The following KDM5A variants were observed in gnomAD, a reference collection of about 807,000 sequenced individuals.
The protein encoded by KDM5A is lysine-specific demethylase 5A.
A neutral mutation model predicts 193.5 loss-of-function variants in KDM5A; 42 were observed. The observed-to-expected ratio is 0.22, with a 90% CI of 0.17 to 0.28. The LOEUF is 0.28. KDM5A is among the 10% of genes least tolerant of loss of function. The probability of loss-of-function intolerance (pLI) is 1.00; values close to 1 mark genes in which losing one functional copy is unlikely to be tolerated. For synonymous variants in KDM5A, 796 were observed against 718.1 expected (o/e 1.11, Z -1.73); for missense variants, 1,692 against 2,055.1 (o/e 0.82, Z 3.42).
Position 389,061 on chromosome 12 carries a change from C to G in KDM5A, c.31G>C (p.Ala11Pro), listed in dbSNP as rs1223268592. MAGVGPGGYA[A>P]EFVPPPECPV... ...CACTCTGGCGGTGGCACGAACTCCG[C>G]CGCGTAGCCCCCCGGCCCCACGCCC... The change falls in exon 1 of 28, where the codon GCG (alanine) becomes CCG (proline). Residue 11 changes from alanine (A) to proline (P), a missense_variant. This residue lies in a region of KDM5A where 84 missense variants were observed against 68.2 expected (regional missense o/e 1.23). Transcript: ENST00000399788. 6.2e-7 allele frequency: 1 copy of G among 1,610,190 alleles called. No homozygotes were observed. The highest frequency in any genetic ancestry group is 1.7e-5 in the Admixed American group (1 of 59,750).
At chr12:299,280 G>T (rs1943411462) in intron 24 of KDM5A, among the ~76,000 whole-genome samples, 1 of 152,176 alleles carries the variant, frequency 6.6e-6, no homozygotes, top group South Asian at 2.1e-4. Flanking sequence ...AGGAAAAAGT[G>T]TTAAGGGCAG....
chr12:385,793 A>C, intron 2 of KDM5A, 104 bp downstream of exon 2: 1 of 858,060 alleles, frequency 1.2e-6, no homozygotes, highest in South Asian at 1.3e-5. Context: ...AATACCAATT[A>C]ACACAAACTC....
chr12:357,719 T>C (rs1944244264), intron 5 of KDM5A, among the ~76,000 whole-genome samples: 1 of 147,380 alleles, frequency 6.8e-6, no homozygotes, highest in Non-Finnish European at 1.5e-5. Context: ...TCCCAGCTAC[T>C]TGGGAGGCTG....
chr12:367,262 A>G (rs1944369183), intron 3 of KDM5A, among the ~76,000 whole-genome samples: 2 of 152,210 alleles, frequency 1.3e-5, no homozygotes, highest in Non-Finnish European at 1.5e-5. Context: ...CATAAAAAAA[A>G]AGTTAAAGCC....
chr12:352,153 T>G, intron 9 of KDM5A, 52 bp downstream of exon 9: 1 of 799,876 alleles, frequency 1.3e-6, no homozygotes, highest in Non-Finnish European at 2.1e-6. Context: ...GGCTTTGTAC[T>G]CAGGTAAATC....
At chr12:330,958 A>C (rs1225820176) in intron 13 of KDM5A, among the ~76,000 whole-genome samples, 2 of 152,138 alleles carry the variant, frequency 1.3e-5, no homozygotes, top group African/African-American at 4.8e-5. Flanking sequence ...AAGCAACATA[A>C]CAGCCACTAA....
In KDM5A at chr12:293,022, T is replaced by C. The variant is rs770838673; in HGVS notation, c.4603A>G (p.Lys1535Glu). Reference sequence around the variant, plus strand: ...TCTGCACCTAATTTTAATTTCTTCTTTCTAGGTTTGTCCATTTTCTTTAAC... The same window carrying C: ...TCTGCACCTAATTTTAATTTCTTCTCTCTAGGTTTGTCCATTTTCTTTAAC... Reference protein sequence around the residue: ...KELKKMDKPRKKKLKLGADKS... With the variant: ...KELKKMDKPREKKLKLGADKS... The change falls in exon 27 of 28, where the codon AAG (lysine) becomes GAG (glutamate). Residue 1535 changes from lysine to glutamate, a missense_variant. Transcript: ENST00000399788. 6.3e-7 allele frequency: 1 copy of C among 1,589,752 alleles called. No individual in the cohort carries two copies. The highest frequency in any genetic ancestry group is 8.5e-7 in the Non-Finnish European group (1 of 1,173,888).
rs1943385167 is a variant in KDM5A, at chr12:297,209, G to T, written c.4075-9C>A. 3 of 1,613,374 alleles carry T rather than the reference G, an allele frequency of 1.9e-6. No homozygotes were observed. The Admixed American group carries it at 5.0e-5, about 27-fold the overall frequency. ...TTCACACTGGCTGTGTCCTGAAGAAGAAACAAAGAGAAGTATTCAGAATTA... is the reference window on the plus strand; with the variant it reads ...TTCACACTGGCTGTGTCCTGAAGAATAAACAAAGAGAAGTATTCAGAATTA... On this transcript the variant is annotated splice_polypyrimidine_tract_variant and intron_variant, in intron 24 of 27. Coordinates refer to ENST00000399788, the MANE Select transcript of KDM5A (RefSeq NM_001042603.3).
intron 10 of KDM5A, among the ~76,000 whole-genome samples, chr12:335,401 C>G (rs1943916156): frequency 6.6e-6 from 1 of 152,200 alleles, no homozygotes; most frequent in Non-Finnish European, 1.5e-5. Flanking sequence ...CATTATTTGT[C>G]TTTTTCACTT....
rs1448096073 is a variant in KDM5A, at chr12:334,435, A to G, written c.1309-13T>C. The G allele has an allele frequency of 6.2e-7, 1 of 1,605,582 alleles. No homozygotes were observed. Among genetic ancestry groups the G allele is most frequent in the East Asian group, 2.2e-5 (1 of 44,824 alleles). ...AAAGTGCATATTCCTATAAGAGAAG[A>G]AAAAACTGTAAATGAAAGATCAGAA... On this transcript the variant is annotated splice_polypyrimidine_tract_variant and intron_variant, in intron 10 of 27. Coordinates refer to ENST00000399788, the MANE Select transcript of KDM5A (RefSeq NM_001042603.3).
chr12:352,478 G>A (rs191003534), intron 8 of KDM5A, among the ~76,000 whole-genome samples, 154 bp from the exon 9 acceptor site: 172 of 152,230 alleles, frequency 1.1e-3, no homozygotes, highest in African/African-American at 3.2e-3. Flanking sequence ...TTACAATACC[G>A]TATCAGGAAG....
chr12:315,154 T>A (rs760485015), intron 19 of KDM5A, among the ~76,000 whole-genome samples: 3 of 151,942 alleles, frequency 2.0e-5, no homozygotes, highest in Non-Finnish European at 2.9e-5. Flanking sequence ...GAAGGAATAA[T>A]CCTACAAGCA....
intron 3 of KDM5A, among the ~76,000 whole-genome samples, chr12:378,570 C>T (rs1305752923): frequency 1.3e-5 from 2 of 152,052 alleles, no homozygotes; most frequent in East Asian, 1.9e-4. Flanking sequence ...CCAGCCAAAG[C>T]CTTGTGTTTT....
rs965120780 is a variant in KDM5A at position 282,709 on chromosome 12, C to A, written c.*2747G>T. 5.6e-5 allele frequency: 13 copies of A among 232,694 alleles called. No homozygotes were observed. Among genetic ancestry groups the A allele is most frequent in the Non-Finnish European group, 1.0e-4 (12 of 117,840 alleles). The allele number at this position is 232,694 out of a possible 1,614,324, so 14.4% of individuals were successfully genotyped here. A position where few individuals can be genotyped will look rare whatever the true frequency, so the allele number is the denominator to read the frequency against. ...AAATACTAATGATGAAGAATTGCAA[C>A]TTCAGTTGCAGTTTAGAGGAGATAA... On this transcript the variant is annotated 3_prime_UTR_variant, in exon 28 of 28. Coordinates refer to ENST00000399788, the MANE Select transcript of KDM5A (RefSeq NM_001042603.3).
chr12:288,567 T>C (rs960352591), intron 27 of KDM5A, among the ~76,000 whole-genome samples: 2 of 152,216 alleles, frequency 1.3e-5, no homozygotes, highest in Non-Finnish European at 2.9e-5. Flanking sequence ...TTTTGTTCAT[T>C]TCTTAGAGAA....
intron 24 of KDM5A, among the ~76,000 whole-genome samples, chr12:300,907 C>T (rs138729951): frequency 9.7e-4 from 147 of 152,242 alleles, no homozygotes; most frequent in African/African-American, 3.3e-3. Flanking sequence ...AACATCTCTA[C>T]CCAAATAAAC....
At position 334,325 on chromosome 12, in the gene KDM5A, G is replaced by A. The variant is rs2137426153; in HGVS notation, c.1406C>T (p.Pro469Leu). 1.9e-6 allele frequency: 3 copies of A among 1,614,010 alleles called. No individual in the cohort carries two copies. Among genetic ancestry groups the A allele is most frequent in the Non-Finnish European group, 2.5e-6 (3 of 1,179,920 alleles). ...INVDISGMKV[P>L]WLYVGMCFSS... is the part of the protein sequence containing the mutation. Reference sequence around the variant, plus strand: ...GAAGCACATTCCCACATAGAGCCACGGCACTTTCATACCAGAGATGTCCAC... The same window carrying A: ...GAAGCACATTCCCACATAGAGCCACAGCACTTTCATACCAGAGATGTCCAC... Residue 469 changes from proline to leucine, a missense_variant, in exon 11 of 28, where the codon CCG becomes CTG. By Grantham distance (98) the Pro-to-Leu change is moderately conservative. This residue lies in a region of KDM5A where 172 missense variants were observed against 260.3 expected (regional missense o/e 0.66). Transcript: ENST00000399788.
chr12:332,057 TAA>T (rs1943872728), intron 12 of KDM5A, 119 bp from the exon 13 acceptor site: 1 of 912,260 alleles, frequency 1.1e-6, no homozygotes. Flanking sequence ...AATAAAGCAT[TAA>T]GTTACACATA....
At chr12:367,591 A>T (rs1348970955) in intron 3 of KDM5A, among the ~76,000 whole-genome samples, 1 of 152,068 alleles carries the variant, frequency 6.6e-6, no homozygotes, top group Non-Finnish European at 1.5e-5. Flanking sequence ...AATCCCAGCT[A>T]CTCAGGAGGC....
Sources: allele counts gnomAD v4.1 joint callset (sites outside exome capture counted in the v4.1 genomes callset), GRCh38; gene constraint gnomAD v4.1.1; regional missense constraint gnomAD v4.1.1; transcripts MANE v1.5; gene names NCBI Gene and HGNC (gene_info 2026-07-23, HGNC 2026-07-21).